Variants in ZNF226 observed in about 807,000 individuals in gnomAD.
ZNF226 encodes zinc finger protein 226.
A neutral mutation model predicts 11.4 loss-of-function variants in ZNF226; 6 were observed. That is an observed-to-expected ratio of 0.53 (90% CI 0.29 to 1.04). The LOEUF (loss-of-function observed/expected upper bound fraction) is 1.04. Among genes scored for constraint, ZNF226 ranks in the 50% least tolerant of loss-of-function variants. The pLI, the probability that ZNF226 is intolerant of heterozygous loss-of-function variation, is 0.08. For synonymous variants in ZNF226, 350 were observed against 322.8 expected (o/e 1.08, Z -0.90); for missense variants, 1,058 against 956.5 (o/e 1.11, Z -1.40).
chr19:44,175,745 T>G lies in ZNF226; in HGVS notation c.483T>G (p.Asn161Lys). 1 of 1,612,958 alleles carries G rather than the reference T, an allele frequency of 6.2e-7. No homozygotes were observed. The highest frequency in any genetic ancestry group is 8.5e-7 in the Non-Finnish European group (1 of 1,179,494). Residue 161 changes from asparagine (N) to lysine (K), a missense_variant, in exon 6 of 6, where the codon AAT (asparagine) becomes AAG (lysine). Asn to Lys is a moderately conservative substitution (Grantham distance 94, BLOSUM62 0). Coordinates refer to ENST00000337433, the MANE Select transcript of ZNF226 (RefSeq NM_001032373.2). Reference protein sequence around the residue: ...NKADGPNNTGNPEFPILRTQD... With the variant: ...NKADGPNNTGKPEFPILRTQD... ...CAGATGGTCCCAATAATACTGGGAA[T>G]CCAGAGTTTCCTATCTTGAGAACCC...
At chr19:44,165,436 G>C (rs557833568) in intron 1 of ZNF226, among the ~76,000 whole-genome samples, 7 of 152,224 alleles carry the variant, frequency 4.6e-5, no homozygotes, top group Admixed American at 3.9e-4. Context: ...CACATTGAGC[G>C]AGTTAGTTAA....
At chr19:44,192,405 G>A in the ZNF226 span, among the ~76,000 whole-genome samples, 1 of 152,106 alleles carries the variant, frequency 6.6e-6, no homozygotes, top group Non-Finnish European at 1.5e-5. Context: ...AAGGAGACAA[G>A]GAAGAGCTGA....
chr19:44,181,773 C>G (rs1335531062), downstream of ZNF226, among the ~76,000 whole-genome samples: 1 of 152,100 alleles, frequency 6.6e-6, no homozygotes, highest in Non-Finnish European at 1.5e-5. Context: ...GCCTGAAAAG[C>G]CTGTGATGAC....
In ZNF226 at chr19:44,176,867, A is replaced by C. The variant is rs755562353; in HGVS notation, c.1605A>C (p.Ile535=). The C allele has an allele frequency of 9.3e-6, 15 of 1,613,140 alleles. No homozygotes were observed. In the East Asian group the frequency reaches 3.1e-4, roughly 34 times the overall value. ...GAGAGAAACCCTATAAATGTGAGAT[A>C]TGTGGGAAGGGCTTCAGTCAAAGTT... is the stretch of plus-strand genomic sequence containing the variant. ...HTGEKPYKCE[I]CGKGFSQSSY... Residue 535 remains isoleucine (I), a synonymous_variant, in exon 6 of 6, where the codon ATA becomes ATC. Transcript: ENST00000337433.
Position 44,175,778 on chromosome 19 carries a change from T to G in ZNF226, c.516T>G (p.Ser172=). ...TTCCTATCTTGAGAACCCAGGATTCTTGGAGGAAAACATTCCTGACTGAGT... is the reference window on the plus strand; with the variant it reads ...TTCCTATCTTGAGAACCCAGGATTCGTGGAGGAAAACATTCCTGACTGAGT... ...PEFPILRTQD[S]WRKTFLTESQ... The change falls in exon 6 of 6, where the codon TCT becomes TCG. Residue 172 remains serine (S), a synonymous_variant. Coordinates refer to ENST00000337433, the MANE Select transcript of ZNF226 (RefSeq NM_001032373.2). 6.2e-7 allele frequency: 1 copy of G among 1,613,654 alleles called. No homozygotes were observed. The highest frequency in any genetic ancestry group is 8.5e-7 in the Non-Finnish European group (1 of 1,179,762).
chr19:44,184,053 G>A, the ZNF226 span, among the ~76,000 whole-genome samples: 1 of 152,162 alleles, frequency 6.6e-6, no homozygotes, highest in African/African-American at 2.4e-5. Flanking sequence ...TTACCCAGGA[G>A]TGCTTTTATG....
chr19:44,167,536 T>C (rs1045197817), intron 2 of ZNF226, among the ~76,000 whole-genome samples: 1 of 152,042 alleles, frequency 6.6e-6, no homozygotes, highest in African/African-American at 2.4e-5. Context: ...GCCAGGCTGG[T>C]CTCGAACTCC....
At chr19:44,194,391 G>A in the ZNF226 span, among the ~76,000 whole-genome samples, 2 of 152,004 alleles carry the variant, frequency 1.3e-5, no homozygotes, top group African/African-American at 4.8e-5. Flanking sequence ...TCCTGTTATC[G>A]CAGCCTCCTG....
At chr19:44,181,610 G>A (rs1198611430), downstream of ZNF226, among the ~76,000 whole-genome samples, 1 of 152,158 alleles carries the variant, frequency 6.6e-6, no homozygotes, top group Non-Finnish European at 1.5e-5. Context: ...GGTGTCTTAT[G>A]TCACAAGGCA....
chr19:44,177,666 A>G lies in ZNF226; in HGVS notation c.2404A>G (p.Ile802Val), dbSNP rs370949659. The G allele has an allele frequency of 2.1e-5, 33 of 1,578,786 alleles. No homozygotes were observed. In the African/African-American group the frequency reaches 2.2e-4, roughly 10 times the overall value. ...AGAATCCACACAGGAAAAAAAATCT[A>G]TAAAATGATTCTTTGTGAAGACTCG... ...IRESTQEKKSIK is the reference protein window; with the variant it reads ...IRESTQEKKSVK Residue 802 changes from isoleucine to valine, a missense_variant, in exon 6 of 6, where the codon ATA becomes GTA. Coordinates refer to ENST00000337433, the MANE Select transcript of ZNF226 (RefSeq NM_001032373.2).
downstream of ZNF226, among the ~76,000 whole-genome samples, chr19:44,178,726 T>G (rs970646458): frequency 5.3e-5 from 8 of 152,194 alleles, no homozygotes; most frequent in African/African-American, 1.9e-4. Flanking sequence ...ATTCATAGAA[T>G]AGGAATTTTT....
downstream of ZNF226, among the ~76,000 whole-genome samples, chr19:44,179,269 C>T (rs994344972): frequency 2.6e-5 from 4 of 152,008 alleles, no homozygotes; most frequent in African/African-American, 4.8e-5. Context: ...ACCACAGCAT[C>T]GAAGAGAATG....
chr19:44,185,917 T>C, the ZNF226 span, among the ~76,000 whole-genome samples: 2 of 152,148 alleles, frequency 1.3e-5, no homozygotes, highest in Non-Finnish European at 2.9e-5. Flanking sequence ...CTTTAATCCA[T>C]TTTTATTTAA....
chr19:44,199,012 AG>A, the ZNF226 span, among the ~76,000 whole-genome samples: 1 of 151,334 alleles, frequency 6.6e-6, no homozygotes, highest in Non-Finnish European at 1.5e-5. Context: ...CATGTTGGCC[AG>A]GTGGGTCTTG....
chr19:44,179,296 A>G (rs891382786), downstream of ZNF226, among the ~76,000 whole-genome samples: 5 of 152,178 alleles, frequency 3.3e-5, no homozygotes, highest in African/African-American at 1.2e-4. Context: ...TTTTTTTCAC[A>G]TTTAACTTCT....
Position 44,172,892 on chromosome 19 carries a change from A to T in ZNF226, c.175A>T (p.Ile59Leu). ...ACCCTTCAAACAAGATGTATCACCT[A>T]TAGAAAGAAATGAGCAGCTTTGGAT... ...HPPFKQDVSP[I>L]ERNEQLWIMT... Residue 59 changes from isoleucine to leucine, a missense_variant, in exon 5 of 6, where the codon ATA becomes TTA. Coordinates refer to ENST00000337433, the MANE Select transcript of ZNF226 (RefSeq NM_001032373.2). 6.2e-7 allele frequency: 1 copy of T among 1,606,078 alleles called. No homozygotes were observed. Among genetic ancestry groups the T allele is most frequent in the South Asian group, 1.1e-5 (1 of 88,908 alleles).
At chr19:44,183,586 A>T in the ZNF226 span, among the ~76,000 whole-genome samples, 1 of 152,186 alleles carries the variant, frequency 6.6e-6, no homozygotes, top group Non-Finnish European at 1.5e-5. Flanking sequence ...TCCTGATTCA[A>T]CCCTGGTGAT....
chr19:44,180,304 T>A (rs1970888652), downstream of ZNF226, among the ~76,000 whole-genome samples: 1 of 152,154 alleles, frequency 6.6e-6, no homozygotes. Flanking sequence ...TCTGTGACAT[T>A]TAAAGCTTAT....
Position 44,175,756 on chromosome 19 carries a change from C to T in ZNF226, c.494C>T (p.Pro165Leu). 1 of 1,613,364 alleles carries T rather than the reference C, an allele frequency of 6.2e-7. No homozygotes were observed. Among genetic ancestry groups the T allele is most frequent in the South Asian group, 1.1e-5 (1 of 90,994 alleles). The change falls in exon 6 of 6, where the codon CCT becomes CTT. Residue 165 changes from proline to leucine, a missense_variant. By Grantham distance (98) the Pro-to-Leu change is moderately conservative. Transcript: ENST00000337433. ...GPNNTGNPEF[P>L]ILRTQDSWRK... is the part of the protein sequence containing the mutation. ...AATAATACTGGGAATCCAGAGTTTC[C>T]TATCTTGAGAACCCAGGATTCTTGG... is the stretch of plus-strand genomic sequence containing the variant.
Sources: gnomAD v4.1 joint callset for allele counts (sites outside exome capture counted in the v4.1 genomes callset) on GRCh38, gnomAD v4.1.1 for gene constraint, MANE v1.5 for transcripts, NCBI Gene and HGNC (gene_info 2026-07-23, HGNC 2026-07-21) for gene names.